The following FRMD6 variants were observed in gnomAD, a reference collection of about 807,000 sequenced individuals.
FRMD6 encodes FERM domain containing 6.
A neutral mutation model predicts 73.2 loss-of-function variants in FRMD6; 37 were observed. The ratio of observed to expected loss-of-function variants is 0.51; its 90% CI spans 0.39 to 0.66. The LOEUF is 0.66. FRMD6 is among the 30% of genes least tolerant of loss of function. FRMD6 has a pLI of 0.00. For synonymous variants in FRMD6, 273 were observed against 282.2 expected (o/e 0.97, Z 0.33); for missense variants, 714 against 780.5 (o/e 0.91, Z 1.02).
intron 1 of FRMD6, among the ~76,000 whole-genome samples, chr14:51,687,238 A>T (rs11157839): frequency 0.28 from 42,333 of 152,030 alleles, 6,581 homozygotes; most frequent in Non-Finnish European, 0.35. Context: ...GTCAGTAGAC[A>T]TACCCTGCTT....
chr14:51,563,238 T>C (rs1887578451), intron 1 of FRMD6, among the ~76,000 whole-genome samples: 1 of 148,312 alleles, frequency 6.7e-6, no homozygotes, highest in Non-Finnish European at 1.5e-5. Flanking sequence ...AATTATCGCT[T>C]ACAAGTCCAG....
At chr14:51,705,010 C>A in intron 6 of FRMD6, 75 bp downstream of exon 6, 1 of 1,328,180 alleles carries the variant, frequency 7.5e-7, no homozygotes, top group Non-Finnish European at 1.0e-6. Flanking sequence ...TACTCATACT[C>A]TTTAAGAAAT....
chr14:51,698,206 A>C lies in FRMD6; in HGVS notation c.164A>C (p.His55Pro). 6.2e-7 allele frequency: 1 copy of C among 1,612,070 alleles called. No homozygotes were observed. The highest frequency in any genetic ancestry group is 8.5e-7 in the Non-Finnish European group (1 of 1,178,696). ...VCDLLRLKDC[H>P]LFGLSVIQNN... ...GACCTGCTCAGGCTAAAGGACTGCCACCTCTTTGGACTCAGTGTTATACAA... is the reference window on the plus strand; with the variant it reads ...GACCTGCTCAGGCTAAAGGACTGCCCCCTCTTTGGACTCAGTGTTATACAA... Residue 55 changes from histidine (H) to proline (P), a missense_variant, in exon 3 of 14, where the codon CAC becomes CCC. His to Pro is a moderately conservative substitution (Grantham distance 77). Coordinates refer to ENST00000344768, the MANE Select transcript of FRMD6 (RefSeq NM_001267046.2).
chr14:51,543,633 A>G (rs1233105622), intron 1 of FRMD6, among the ~76,000 whole-genome samples: 1 of 152,040 alleles, frequency 6.6e-6, no homozygotes, highest in African/African-American at 2.4e-5. Flanking sequence ...ACCATCTTGC[A>G]GGACACAAGA....
chr14:51,534,172 C>T (rs9323211), intron 1 of FRMD6, among the ~76,000 whole-genome samples: 54,617 of 152,078 alleles, frequency 0.36, 10,451 homozygotes, highest in African/African-American at 0.51. Flanking sequence ...ATAGTTCAAA[C>T]GGCTGTAGAT....
intron 10 of FRMD6, among the ~76,000 whole-genome samples, chr14:51,718,118 A>G (rs1349807664): frequency 6.6e-6 from 1 of 152,192 alleles, no homozygotes; most frequent in Non-Finnish European, 1.5e-5. Context: ...TTTCTTAGAA[A>G]ACATTTCAGA....
chr14:51,580,468 A>G (rs1036453434), intron 2 of FRMD6, among the ~76,000 whole-genome samples: 2 of 152,182 alleles, frequency 1.3e-5, no homozygotes, highest in Admixed American at 6.5e-5. Flanking sequence ...TATTATTCCT[A>G]TTTTACAACT....
At chr14:51,534,954 G>A (rs556107900) in intron 1 of FRMD6, among the ~76,000 whole-genome samples, 19 of 152,352 alleles carry the variant, frequency 1.2e-4, no homozygotes, top group Admixed American at 1.2e-3. Flanking sequence ...TTGACCCAAG[G>A]TGAGATTCAA....
chr14:51,656,562 T>C (rs928643576), intron 1 of FRMD6, among the ~76,000 whole-genome samples: 2 of 152,036 alleles, frequency 1.3e-5, no homozygotes, highest in African/African-American at 4.8e-5. Context: ...TATAGGTGCC[T>C]GCCACCACGC....
chr14:51,708,900 C>T (rs1896784747), intron 7 of FRMD6, among the ~76,000 whole-genome samples: 1 of 152,166 alleles, frequency 6.6e-6, no homozygotes, highest in African/African-American at 2.4e-5. Context: ...ACGTTCCTCA[C>T]TCTCGGAAGT....
chr14:51,546,142 C>A (rs905879242), intron 1 of FRMD6, among the ~76,000 whole-genome samples: 5 of 151,982 alleles, frequency 3.3e-5, no homozygotes, highest in Non-Finnish European at 7.4e-5. Flanking sequence ...TCATAGAATT[C>A]CTGACACACA....
chr14:51,606,257 T>C (rs1890252065), intron 2 of FRMD6, among the ~76,000 whole-genome samples: 1 of 142,864 alleles, frequency 7.0e-6, no homozygotes, highest in South Asian at 2.2e-4. Context: ...ACACAGCCAG[T>C]AATACACATG....
At chr14:51,658,222 A>G (rs1489519814) in intron 1 of FRMD6, among the ~76,000 whole-genome samples, 1 of 152,220 alleles carries the variant, frequency 6.6e-6, no homozygotes, top group African/African-American at 2.4e-5. Context: ...AGATCTGCCC[A>G]GAGGAAATGG....
intron 2 of FRMD6, among the ~76,000 whole-genome samples, chr14:51,572,438 A>G (rs188733714): frequency 6.6e-6 from 1 of 152,386 alleles, no homozygotes; most frequent in East Asian, 1.9e-4. Context: ...TCATTTTAGC[A>G]TAAGTTGAAA....
chr14:51,408,670 T>C, the FRMD6 span, among the ~76,000 whole-genome samples: 8 of 152,314 alleles, frequency 5.3e-5, no homozygotes, highest in East Asian at 1.9e-4. Context: ...TTTGAGGTTA[T>C]CTTTTATTTC....
At chr14:51,472,813 C>G in the FRMD6 span, among the ~76,000 whole-genome samples, 2 of 152,182 alleles carry the variant, frequency 1.3e-5, no homozygotes, top group African/African-American at 4.8e-5. Flanking sequence ...TACTCAAGCA[C>G]TGAGGCGCCA....
chr14:51,505,802 C>G (rs1883931950), intron 1 of FRMD6, among the ~76,000 whole-genome samples: 1 of 152,268 alleles, frequency 6.6e-6, no homozygotes, highest in South Asian at 2.1e-4. Flanking sequence ...GGTTTTATCT[C>G]ATACATTTCT....
intron 1 of FRMD6, among the ~76,000 whole-genome samples, chr14:51,681,463 C>G (rs904066814): frequency 6.6e-6 from 1 of 152,152 alleles, no homozygotes; most frequent in Non-Finnish European, 1.5e-5. Context: ...TAATAAACTT[C>G]ACATGAATCT....
At chr14:51,574,415 C>T (rs1445732275) in intron 2 of FRMD6, among the ~76,000 whole-genome samples, 1 of 152,114 alleles carries the variant, frequency 6.6e-6, no homozygotes, top group African/African-American at 2.4e-5. Context: ...TATTAAAATA[C>T]AAGTGTCCAT....
Sources: allele counts gnomAD v4.1 joint callset (sites outside exome capture counted in the v4.1 genomes callset), GRCh38; gene constraint gnomAD v4.1.1; transcripts MANE v1.5; gene names NCBI Gene and HGNC (gene_info 2026-07-23, HGNC 2026-07-21).